Variants in RFX3 observed in about 807,000 individuals in gnomAD.
RFX3 encodes the protein regulatory factor X3.
In RFX3, 14 loss-of-function variants were observed where a neutral mutation model predicts 98.6. The observed-to-expected ratio is 0.14, with a 90% CI of 0.09 to 0.22. The LOEUF (loss-of-function observed/expected upper bound fraction) is 0.22, where lower values mean the gene tolerates loss of function less well. RFX3 is among the 10% of genes least tolerant of loss of function. The pLI is 1.00. For synonymous variants in RFX3, 383 were observed against 328.4 expected, an observed-to-expected ratio of 1.17 and a Z score of -1.80; for missense variants, 639 against 926.9, an observed-to-expected ratio of 0.69 and a Z score of 4.03.
At chr9:3,477,814 A>T (rs1849402291) in intron 1 of RFX3, among the ~76,000 whole-genome samples, 2 of 152,156 alleles carry the variant, frequency 1.3e-5, no homozygotes, top group Admixed American at 1.3e-4. Flanking sequence ...GAGTCACATA[A>T]GTCTTTTGAG....
chr9:3,247,957 T>C (rs1345091759), intron 15 of RFX3, 75 bp downstream of exon 15: 3 of 1,613,772 alleles, frequency 1.9e-6, no homozygotes, highest in Admixed American at 1.7e-5. Context: ...TAATCAATAA[T>C]GTATTTAGAC....
At chr9:3,264,737 A>AG (rs1823390653) in intron 12 of RFX3, among the ~76,000 whole-genome samples, 1 of 152,214 alleles carries the variant, frequency 6.6e-6, no homozygotes, top group African/African-American at 2.4e-5. Context: ...TTCCTCTGTC[A>AG]GGGTAAATTG....
At chr9:3,238,777 C>A (rs565868159) in intron 15 of RFX3, among the ~76,000 whole-genome samples, 1 of 152,188 alleles carries the variant, frequency 6.6e-6, no homozygotes, top group East Asian at 1.9e-4. Context: ...CACGTGAGGT[C>A]GGGAGTTTGA....
At chr9:3,389,657 C>T (rs185949567) in intron 2 of RFX3, among the ~76,000 whole-genome samples, 5 of 152,150 alleles carry the variant, frequency 3.3e-5, no homozygotes, top group Admixed American at 1.3e-4. Flanking sequence ...AAATTCCACA[C>T]CCGACCTCAA....
chr9:3,504,891 TAACA>T (rs1816679347), intron 1 of RFX3, among the ~76,000 whole-genome samples: 1 of 61,588 alleles, frequency 1.6e-5, no homozygotes, highest in African/African-American at 1.0e-4. Flanking sequence ...ATATATAATA[TAACA>T]TATATTATAT....
chr9:3,394,254 G>A (rs148253789), intron 2 of RFX3, among the ~76,000 whole-genome samples: 1 of 152,106 alleles, frequency 6.6e-6, no homozygotes, highest in Non-Finnish European at 1.5e-5. Context: ...ACGAGGTCAG[G>A]AGATCGAGAC....
At chr9:3,446,146 G>A (rs1347768633) in intron 1 of RFX3, among the ~76,000 whole-genome samples, 2 of 152,060 alleles carry the variant, frequency 1.3e-5, no homozygotes, top group African/African-American at 2.4e-5. Context: ...GATAGATGAT[G>A]GGCAGGTGAA....
intron 1 of RFX3, among the ~76,000 whole-genome samples, chr9:3,502,587 G>A (rs1430978128): frequency 4.6e-5 from 7 of 152,114 alleles, no homozygotes; most frequent in Non-Finnish European, 1.5e-5. Context: ...CACTAAATTT[G>A]AAAAATTATA....
At chr9:3,524,994 G>T (rs573441274) in intron 1 of RFX3, among the ~76,000 whole-genome samples, 3 of 152,036 alleles carry the variant, frequency 2.0e-5, no homozygotes, top group African/African-American at 4.8e-5. Context: ...TGTGTGGGGG[G>T]GGGGAGAAAG....
intron 9 of RFX3, among the ~76,000 whole-genome samples, chr9:3,272,869 C>T (rs1824687050): frequency 6.6e-6 from 1 of 152,016 alleles, no homozygotes; most frequent in South Asian, 2.1e-4. Context: ...TGAGAATTCC[C>T]AATAACAGGC....
chr9:3,299,663 GTAA>G (rs1201986116), intron 5 of RFX3, among the ~76,000 whole-genome samples: 1 of 151,564 alleles, frequency 6.6e-6, no homozygotes, highest in East Asian at 1.9e-4. Flanking sequence ...AAGCCATGAA[GTAA>G]TAAATATTTG....
intron 1 of RFX3, among the ~76,000 whole-genome samples, chr9:3,488,451 A>C (rs1587841466): frequency 6.6e-6 from 1 of 152,238 alleles, no homozygotes; most frequent in East Asian, 1.9e-4. Context: ...AATCATGAAA[A>C]CTCAGTGATA....
chr9:3,440,875 G>A (rs1050802822), intron 1 of RFX3, among the ~76,000 whole-genome samples: 1 of 152,120 alleles, frequency 6.6e-6, no homozygotes, highest in African/African-American at 2.4e-5. Context: ...TGTTACTGGG[G>A]TAAAAACAAA....
intron 3 of RFX3, among the ~76,000 whole-genome samples, chr9:3,341,102 T>C (rs1209272297): frequency 1.3e-4 from 20 of 152,054 alleles, no homozygotes; most frequent in Admixed American, 6.6e-4. Flanking sequence ...ATGTCCTTTG[T>C]AGGGACATGG....
At position 3,220,680 on chromosome 9, in the gene RFX3, G is replaced by C. The variant is rs952979161; in HGVS notation, c.*4362C>G. ...CAGCATAATTAGACATTTGGATATA[G>C]AGTATACTTTACCGGTCTAAGTCTA... On this transcript the variant is annotated 3_prime_UTR_variant, in exon 17 of 17. Transcript: ENST00000617270. 2.0e-5 allele frequency: 3 copies of C among 151,660 alleles called. No homozygotes were observed. Among genetic ancestry groups the C allele is most frequent in the African/African-American group, 7.3e-5 (3 of 41,320 alleles). The allele number at this position is 151,660 out of a possible 1,614,324, so 9.4% of individuals were successfully genotyped here.
intron 1 of RFX3, among the ~76,000 whole-genome samples, chr9:3,465,056 T>C (rs1848079212): frequency 6.6e-6 from 1 of 152,208 alleles, no homozygotes; most frequent in Non-Finnish European, 1.5e-5. Context: ...GGTATCTATA[T>C]GTTAAAGGGG....
chr9:3,236,764 A>C (rs1180955428), intron 15 of RFX3, among the ~76,000 whole-genome samples: 1 of 152,210 alleles, frequency 6.6e-6, no homozygotes, highest in Non-Finnish European at 1.5e-5. Flanking sequence ...ATATGTGAAA[A>C]TGTTAACCAG....
At chr9:3,308,570 T>C (rs1162711328) in intron 4 of RFX3, among the ~76,000 whole-genome samples, 3 of 152,172 alleles carry the variant, frequency 2.0e-5, no homozygotes, top group Admixed American at 1.3e-4. Flanking sequence ...CCAATTTACA[T>C]GCCAGATTTC....
rs372032025 is a variant in RFX3 at position 3,423,800 on chromosome 9, T to TATATATAC, written c.-8-28205_-8-28204insGTATATAT. 5.2e-5 allele frequency among the ~76,000 whole-genome samples: 7 copies of TATATATAC among 133,504 alleles called. No individual in the cohort carries two copies. In the South Asian group the frequency reaches 6.5e-4, roughly 12 times the overall value. The allele number at this position is 133,504 out of a possible 152,430, so 87.6% of individuals were successfully genotyped here. A position where few individuals can be genotyped will look rare whatever the true frequency, so the allele number is the denominator to read the frequency against. Reference sequence around the variant, plus strand: ...TTTCATATATATATATATATATATATATATATATATATCTTAAGGTAATTT... The same window carrying TATATATAC: ...TTTCATATATATATATATATATATATATATATACATATATATATATCTTAAGGTAATTT... On this transcript the variant is annotated intron_variant, in intron 1 of 16. Transcript: ENST00000617270.
Sources: allele counts gnomAD v4.1 joint callset (sites outside exome capture counted in the v4.1 genomes callset), GRCh38; gene constraint gnomAD v4.1.1; transcripts MANE v1.5; gene names NCBI Gene and HGNC (gene_info 2026-07-23, HGNC 2026-07-21).